Variants in SP140 observed in about 807,000 individuals in gnomAD.
The protein encoded by SP140 is nuclear body protein SP140.
In SP140, 81 loss-of-function variants were observed where a neutral mutation model predicts 125.0. The observed-to-expected ratio is 0.65, with a 90% CI of 0.54 to 0.78. The LOEUF (loss-of-function observed/expected upper bound fraction) is 0.78, where lower values mean the gene tolerates loss of function less well. Ranked by LOEUF, SP140 falls within the 30% of genes least tolerant of loss-of-function variation. SP140 has a pLI of 0.00. For synonymous variants in SP140, 312 were observed against 354.0 expected (o/e 0.88, Z 1.33); for missense variants, 858 against 1,037.0 (o/e 0.83, Z 2.37).
chr2:230,201,129 C>A (rs924314892), upstream of SP140, among the ~76,000 whole-genome samples: 2 of 152,168 alleles, frequency 1.3e-5, no homozygotes, highest in Non-Finnish European at 2.9e-5. Context: ...GCTCATGACA[C>A]TGTGCCTGTC....
At chr2:230,204,609 T>A (rs1365820239) in intron 1 of SP140, among the ~76,000 whole-genome samples, 1 of 152,072 alleles carries the variant, frequency 6.6e-6, no homozygotes, top group East Asian at 1.9e-4. Flanking sequence ...TCTTTCATTT[T>A]TTTTTCATTA....
At chr2:230,265,139 T>G (rs921133039) in intron 12 of SP140, among the ~76,000 whole-genome samples, 12 of 152,014 alleles carry the variant, frequency 7.9e-5, no homozygotes, top group African/African-American at 2.7e-4. Flanking sequence ...CATGTCTTGC[T>G]GCAGCTGCTG....
chr2:230,289,510 A>G (rs886353374), intron 18 of SP140, among the ~76,000 whole-genome samples: 1 of 152,096 alleles, frequency 6.6e-6, no homozygotes, highest in Non-Finnish European at 1.5e-5. Flanking sequence ...GTTTATCATG[A>G]CTTCTGTTGC....
At chr2:230,223,445 T>A (rs2045984134), upstream of SP140, among the ~76,000 whole-genome samples, 1 of 152,196 alleles carries the variant, frequency 6.6e-6, no homozygotes, top group East Asian at 1.9e-4. Flanking sequence ...TTTCTTAACC[T>A]AGTCCTCTGG....
chr2:230,196,269 T>C, the SP140 span, among the ~76,000 whole-genome samples: 1 of 152,184 alleles, frequency 6.6e-6, no homozygotes, highest in Non-Finnish European at 1.5e-5. Flanking sequence ...AAACCTGATT[T>C]CTATTTTCAT....
At chr2:230,195,967 G>A in the SP140 span, among the ~76,000 whole-genome samples, 10 of 152,208 alleles carry the variant, frequency 6.6e-5, no homozygotes, top group East Asian at 1.2e-3. Flanking sequence ...AGGAGGAAAT[G>A]AAGATGACAA....
chr2:230,306,671 C>T (rs752175355), intron 22 of SP140, among the ~76,000 whole-genome samples: 1 of 152,258 alleles, frequency 6.6e-6, no homozygotes, highest in African/African-American at 2.4e-5. Context: ...GTTGGGTGTG[C>T]ACATGCTTGG....
chr2:230,292,572 C>A, intron 19 of SP140, 74 bp from the exon 20 acceptor site: 1 of 1,586,696 alleles, frequency 6.3e-7, no homozygotes, highest in Non-Finnish European at 8.6e-7. Flanking sequence ...GCTCTAGATC[C>A]AGTGTGGTGA....
At chr2:230,221,902 G>T (rs931632027), upstream of SP140, 5 of 637,762 alleles carry the variant, frequency 7.8e-6, no homozygotes, top group Middle Eastern at 2.5e-4. Flanking sequence ...AGACAGCTGC[G>T]AATGAGGATG....
rs186783663 is a variant in SP140 at position 230,296,807 on chromosome 2, A to G, written c.2017-614A>G. The stretch of plus-strand genomic sequence containing the variant: ...AGGAAATATGCCTGAGGGCCCCTTG[A>G]AGTAAGAGGACAAGTAGAGCTTCTC... On this transcript the variant is annotated intron_variant, in intron 21 of 26. Coordinates refer to ENST00000392045, the MANE Select transcript of SP140 (RefSeq NM_007237.5). 5.8e-3 allele frequency among the ~76,000 whole-genome samples: 887 copies of G among 152,254 alleles called. 9 individuals are homozygous for G. The highest frequency in any genetic ancestry group is 9.6e-3 in the Non-Finnish European group (652 of 68,002).
At chr2:230,217,848 T>G (rs1330576444) in intron 3 of SP140, among the ~76,000 whole-genome samples, 6 of 152,126 alleles carry the variant, frequency 3.9e-5, no homozygotes, top group African/African-American at 1.4e-4. Flanking sequence ...ATGGGTAGAG[T>G]TCAGCTGGAA....
chr2:230,293,058 A>G (rs986714258), intron 20 of SP140, among the ~76,000 whole-genome samples: 2 of 152,188 alleles, frequency 1.3e-5, no homozygotes, highest in African/African-American at 2.4e-5. Flanking sequence ...AGCTTTGTGC[A>G]CTGAAAGAAA....
chr2:230,314,913 C>T (rs77926108), downstream of SP140, among the ~76,000 whole-genome samples: 24 of 152,310 alleles, frequency 1.6e-4, no homozygotes, highest in East Asian at 4.6e-3. Context: ...TGAAAGAGTT[C>T]CAGCATAACA....
intron 15 of SP140, among the ~76,000 whole-genome samples, chr2:230,283,309 A>C (rs1046339140): frequency 3.9e-5 from 6 of 152,196 alleles, no homozygotes; most frequent in Non-Finnish European, 8.8e-5. Context: ...CTGCTATACC[A>C]TTCCAGTGGC....
At chr2:230,210,116 G>A (rs2044302664) in intron 1 of SP140, 2 of 784,820 alleles carry the variant, frequency 2.5e-6, no homozygotes, top group Non-Finnish European at 4.6e-6. Flanking sequence ...GCAGCCCAGG[G>A]CCGGGAATCT....
At position 230,247,775 on chromosome 2, in the gene SP140, C is replaced by T. The variant is rs537117296; in HGVS notation, c.743-141C>T. The T allele has an allele frequency of 2.9e-5, 21 of 726,408 alleles. 1 individual carries two copies. Among genetic ancestry groups the T allele is most frequent in the Middle Eastern group, 7.2e-4 (2 of 2,794 alleles). The allele number at this position is 726,408 out of a possible 1,614,324, so 45.0% of individuals were successfully genotyped here. ...CATTGTCATTTTCTGATGACTCTTT[C>T]TCATCTGAGCTTTCCTAAAGGCTTA... On this transcript the variant is annotated intron_variant, in intron 7 of 26. Transcript: ENST00000392045.
chr2:230,199,280 C>T (rs1365834931), upstream of SP140, among the ~76,000 whole-genome samples: 2 of 134,532 alleles, frequency 1.5e-5, no homozygotes, highest in Non-Finnish European at 3.0e-5. Flanking sequence ...GTGATCTTGG[C>T]TCGCTGCAAC....
intron 20 of SP140, among the ~76,000 whole-genome samples, chr2:230,293,780 C>T (rs1011505293): frequency 3.9e-5 from 6 of 152,226 alleles, no homozygotes; most frequent in African/African-American, 1.2e-4. Flanking sequence ...CCCAGGGCTC[C>T]TGAGCCCTCT....
At chr2:230,294,464 A>G in intron 21 of SP140, 146 bp downstream of exon 21, 2 of 626,304 alleles carry the variant, frequency 3.2e-6, no homozygotes. Context: ...TTTTGCATGT[A>G]TTCCTTCAGA....
Sources: allele counts gnomAD v4.1 joint callset (sites outside exome capture counted in the v4.1 genomes callset), GRCh38; gene constraint gnomAD v4.1.1; transcripts MANE v1.5; gene names NCBI Gene and HGNC (gene_info 2026-07-23, HGNC 2026-07-21).